CACNA2D3: variants seen among roughly 807,000 people sequenced by gnomAD.
The protein encoded by CACNA2D3 is calcium voltage-gated channel auxiliary subunit alpha2delta 3.
Under a neutral mutation model 160.6 loss-of-function variants are expected in CACNA2D3, and 60 were observed. The ratio of observed to expected loss-of-function variants is 0.37; its 90% CI spans 0.30 to 0.46. CACNA2D3 has a LOEUF of 0.46. Among genes scored for constraint, CACNA2D3 ranks in the 20% least tolerant of loss-of-function variants. CACNA2D3 has a pLI of 1.00. For missense variants in CACNA2D3, 1,205 were observed against 1,365.0 expected, an observed-to-expected ratio of 0.88 and a Z score of 1.85; for synonymous variants, 558 against 492.9, an observed-to-expected ratio of 1.13 and a Z score of -1.75.
intron 13 of CACNA2D3, among the ~76,000 whole-genome samples, chr3:54,778,234 T>A: frequency 6.6e-6 from 1 of 152,056 alleles, no homozygotes; most frequent in East Asian, 1.9e-4. Context: ...AGGGGGGACA[T>A]CAGCAGCAAT....
At chr3:55,017,970 T>C (rs1205375398) in intron 34 of CACNA2D3, among the ~76,000 whole-genome samples, 1 of 152,184 alleles carries the variant, frequency 6.6e-6, no homozygotes, top group Non-Finnish European at 1.5e-5. Context: ...AGAATTCTTG[T>C]GATGCATAAA....
Position 54,987,198 on chromosome 3 carries a change from G to A in CACNA2D3, c.2620-485G>A, listed in dbSNP as rs191482897. 8.5e-5 allele frequency among the ~76,000 whole-genome samples: 13 copies of A among 152,302 alleles called. 1 individual carries two copies. The highest frequency in any genetic ancestry group is 3.3e-4 in the Admixed American group (5 of 15,302). On this transcript the variant is annotated intron_variant, in intron 30 of 37. Transcript: ENST00000474759. ...CAGAAAGTGATTCTGAGAAAGGGTG[G>A]ATTCTCAACTGCAGGAACTTTATTG...
At chr3:55,028,800 CTT>C (rs1029259405) in intron 35 of CACNA2D3, among the ~76,000 whole-genome samples, 1 of 152,068 alleles carries the variant, frequency 6.6e-6, no homozygotes, top group African/African-American at 2.4e-5. Context: ...TCACTCATCA[CTT>C]CTCATAAAAA....
intron 11 of CACNA2D3, among the ~76,000 whole-genome samples, chr3:54,715,900 A>G (rs1284523539): frequency 6.6e-6 from 1 of 152,180 alleles, no homozygotes; most frequent in African/African-American, 2.4e-5. Flanking sequence ...GGGGCTGGGA[A>G]GTAGGGGAAT....
intron 11 of CACNA2D3, among the ~76,000 whole-genome samples, chr3:54,683,164 C>A (rs1700385688): frequency 6.6e-6 from 1 of 152,174 alleles, no homozygotes; most frequent in African/African-American, 2.4e-5. Context: ...GAACACTCAG[C>A]ATCACAGTAG....
chr3:54,943,202 G>T (rs1294103280), intron 27 of CACNA2D3, among the ~76,000 whole-genome samples: 1 of 86,154 alleles, frequency 1.2e-5, no homozygotes, highest in Admixed American at 1.6e-4. Flanking sequence ...GCTATCTCTG[G>T]TAAAAAAAAA....
intron 11 of CACNA2D3, among the ~76,000 whole-genome samples, chr3:54,691,621 C>G (rs746154034): frequency 3.3e-5 from 5 of 152,176 alleles, no homozygotes; most frequent in Non-Finnish European, 4.4e-5. Flanking sequence ...ATAATACTCT[C>G]TAATTCAAAA....
chr3:54,735,446 C>T (rs913335994), intron 11 of CACNA2D3, among the ~76,000 whole-genome samples: 2 of 152,216 alleles, frequency 1.3e-5, no homozygotes, highest in Non-Finnish European at 2.9e-5. Flanking sequence ...TGGAAATAAG[C>T]TTTGCACTGC....
intron 13 of CACNA2D3, among the ~76,000 whole-genome samples, chr3:54,798,836 C>T (rs892310412): frequency 6.6e-6 from 1 of 152,196 alleles, no homozygotes; most frequent in African/African-American, 2.4e-5. Context: ...TCCAGCTGGT[C>T]ACATGTTCTG....
rs537385058 is a variant in CACNA2D3 at position 54,229,123 on chromosome 3, A to G, written c.205-91319A>G. ...TGCTTTGTTCTACAATGGTGATTCT[A>G]TTTTCCTTGATCTTTGTAAGGCCTC... On this transcript the variant is annotated intron_variant, in intron 2 of 37. Coordinates refer to ENST00000474759, the MANE Select transcript of CACNA2D3 (RefSeq NM_018398.3). Among the ~76,000 whole-genome samples the G allele has an allele frequency of 1.7e-4, 26 of 150,748 alleles. No individual in the cohort carries two copies. In the South Asian group the frequency reaches 3.2e-3, roughly 18 times the overall value.
chr3:54,643,051 G>T (rs144384285), intron 11 of CACNA2D3, among the ~76,000 whole-genome samples: 45 of 152,302 alleles, frequency 3.0e-4, no homozygotes, highest in Middle Eastern at 3.4e-3. Flanking sequence ...GCAGGGAAAA[G>T]ACATCAAAGT....
At chr3:54,153,812 A>G (rs6793459) in intron 2 of CACNA2D3, among the ~76,000 whole-genome samples, 50,556 of 152,042 alleles carry the variant, frequency 0.33, 8,610 homozygotes, top group East Asian at 0.44. Flanking sequence ...TATATTGCCT[A>G]TTATTGGGTT....
chr3:54,987,149 C>G (rs994370584), intron 30 of CACNA2D3, among the ~76,000 whole-genome samples: 6 of 152,114 alleles, frequency 3.9e-5, no homozygotes, highest in African/African-American at 1.4e-4. Flanking sequence ...TGTCAACTGC[C>G]TATGACAAAA....
intron 27 of CACNA2D3, among the ~76,000 whole-genome samples, chr3:54,914,217 A>G (rs1700614159): frequency 6.6e-6 from 1 of 152,170 alleles, no homozygotes. Flanking sequence ...TCAGAGTAAC[A>G]AATAGGTTTA....
chr3:55,029,858 C>G (rs1575443003), intron 35 of CACNA2D3, among the ~76,000 whole-genome samples: 1 of 152,152 alleles, frequency 6.6e-6, no homozygotes, highest in Non-Finnish European at 1.5e-5. Flanking sequence ...TTTTGTATCT[C>G]CTGCTCTACA....
At chr3:54,756,614 C>T (rs1308867765) in intron 12 of CACNA2D3, among the ~76,000 whole-genome samples, 1 of 152,124 alleles carries the variant, frequency 6.6e-6, no homozygotes, top group East Asian at 1.9e-4. Flanking sequence ...CAAGGAGCGT[C>T]GAAGGAGGCA....
intron 14 of CACNA2D3, among the ~76,000 whole-genome samples, chr3:54,823,514 T>C (rs1475289816): frequency 6.6e-6 from 1 of 152,156 alleles, no homozygotes; most frequent in African/African-American, 2.4e-5. Context: ...TTGCAGAATC[T>C]AGCCTAAATT....
intron 35 of CACNA2D3, among the ~76,000 whole-genome samples, chr3:55,067,606 C>G (rs1704691652): frequency 6.6e-6 from 1 of 152,114 alleles, no homozygotes; most frequent in Admixed American, 6.5e-5. Flanking sequence ...AGATGGAGTT[C>G]AAGTGTCCCT....
chr3:54,571,612 AGT>A (rs58652360), intron 8 of CACNA2D3, among the ~76,000 whole-genome samples: 29,380 of 135,736 alleles, frequency 0.22, 3,099 homozygotes, highest in East Asian at 0.29. Context: ...CACTTAACCA[AGT>A]GTGTGTGTGT....
Sources: gnomAD v4.1 joint callset for allele counts (sites outside exome capture counted in the v4.1 genomes callset) on GRCh38, gnomAD v4.1.1 for gene constraint, MANE v1.5 for transcripts, NCBI Gene and HGNC (gene_info 2026-07-23, HGNC 2026-07-21) for gene names.